LDB2: variants seen among roughly 807,000 people sequenced by gnomAD.
The protein encoded by LDB2 is LIM domain binding 2.
Under a neutral mutation model 44.3 loss-of-function variants are expected in LDB2, and 12 were observed. The observed-to-expected ratio is 0.27, with a 90% CI of 0.17 to 0.44. LDB2 has a LOEUF of 0.44. Among genes scored for constraint, LDB2 ranks in the 20% least tolerant of loss-of-function variants. The probability of loss-of-function intolerance (pLI) is 1.00; values close to 1 mark genes in which losing one functional copy is unlikely to be tolerated. For missense variants in LDB2, 344 were observed against 473.5 expected, an observed-to-expected ratio of 0.73 and a Z score of 2.54; for synonymous variants, 164 against 174.8, an observed-to-expected ratio of 0.94 and a Z score of 0.49.
chr4:16,874,041 C>T (rs1717610405), intron 1 of LDB2, among the ~76,000 whole-genome samples: 2 of 152,156 alleles, frequency 1.3e-5, no homozygotes, highest in African/African-American at 4.8e-5. Flanking sequence ...TTTGTTTATC[C>T]AGTCATCGCT....
intron 2 of LDB2, among the ~76,000 whole-genome samples, chr4:16,679,362 C>T (rs781014059): frequency 1.3e-5 from 2 of 152,020 alleles, no homozygotes; most frequent in Non-Finnish European, 2.9e-5. Flanking sequence ...GAAATCTTTT[C>T]TGAGTTGACA....
chr4:16,646,822 A>T (rs1392157939), intron 2 of LDB2, among the ~76,000 whole-genome samples: 1 of 152,218 alleles, frequency 6.6e-6, no homozygotes. Context: ...TCACATAGTT[A>T]CAAACAATGG....
intron 2 of LDB2, among the ~76,000 whole-genome samples, chr4:16,600,949 T>C (rs1722413936): frequency 6.6e-6 from 1 of 152,142 alleles, no homozygotes; most frequent in African/African-American, 2.4e-5. Flanking sequence ...GGTCTGCCTT[T>C]TAGAGCATTT....
At chr4:16,729,666 T>C (rs1272484758) in intron 2 of LDB2, among the ~76,000 whole-genome samples, 1 of 152,130 alleles carries the variant, frequency 6.6e-6, no homozygotes, top group Non-Finnish European at 1.5e-5. Flanking sequence ...ACAAATCAAA[T>C]GAAGCTTTGG....
rs150379902 is a variant in LDB2 at position 16,504,112 on chromosome 4, T to G, written c.892-1239A>C. Among the ~76,000 whole-genome samples, 783 of 152,164 alleles carry G rather than the reference T, an allele frequency of 5.1e-3. 7 individuals are homozygous for G. The highest frequency in any genetic ancestry group is 0.018 in the African/African-American group (750 of 41,526). ...AGGGCTAGCCAGATGCTTTTGGAGATGAGAGGGTGGGGTTTCCAGTAGAAA... is the reference window on the plus strand; with the variant it reads ...AGGGCTAGCCAGATGCTTTTGGAGAGGAGAGGGTGGGGTTTCCAGTAGAAA... On this transcript the variant is annotated intron_variant, in intron 7 of 7. Coordinates refer to ENST00000304523, the MANE Select transcript of LDB2 (RefSeq NM_001290.5).
chr4:16,731,873 A>C lies in LDB2; in HGVS notation c.235+27285T>G, dbSNP rs74536886. Among the ~76,000 whole-genome samples the C allele has an allele frequency of 5.6e-4, 85 of 152,272 alleles. 2 individuals are homozygous for C. In the East Asian group the frequency reaches 0.012, roughly 21 times the overall value. On this transcript the variant is annotated intron_variant, in intron 2 of 7. Coordinates refer to ENST00000304523, the MANE Select transcript of LDB2 (RefSeq NM_001290.5). ...TATGTGCTTCCCTTTTCAAGCAGTA[A>C]CTACAAAAAAGCAAACGAATGTAAA...
chr4:16,557,773 C>T (rs1305934407), intron 5 of LDB2, among the ~76,000 whole-genome samples: 2 of 152,184 alleles, frequency 1.3e-5, no homozygotes, highest in African/African-American at 4.8e-5. Context: ...TCAAGTGGGT[C>T]CCTGACCCCT....
At chr4:16,721,748 T>C (rs909036400) in intron 2 of LDB2, among the ~76,000 whole-genome samples, 3 of 152,128 alleles carry the variant, frequency 2.0e-5, no homozygotes, top group Non-Finnish European at 4.4e-5. Flanking sequence ...ATCTTGACAC[T>C]AAAACTACCC....
At chr4:16,544,273 T>A (rs989956404) in intron 5 of LDB2, among the ~76,000 whole-genome samples, 4 of 152,120 alleles carry the variant, frequency 2.6e-5, no homozygotes, top group African/African-American at 9.7e-5. Context: ...GCCGAGGATG[T>A]GGGGACTGCA....
At chr4:16,543,071 GCTTCATCCATGTCC>G (rs1312475054) in intron 5 of LDB2, among the ~76,000 whole-genome samples, 1 of 151,956 alleles carries the variant, frequency 6.6e-6, no homozygotes, top group Non-Finnish European at 1.5e-5. Context: ...ATGGTTTCCA[GCTTCATCCATGTCC>G]CTACAAAGGA....
rs1453384829 is a variant in LDB2 at position 16,774,103 on chromosome 4, C to T, written c.133-14843G>A. Among the ~76,000 whole-genome samples, 3 of 142,676 alleles carry T rather than the reference C, an allele frequency of 2.1e-5. No homozygotes were observed. In the Admixed American group the frequency reaches 2.3e-4, roughly 11 times the overall value. The allele number at this position is 142,676 out of a possible 152,430, so 93.6% of individuals were successfully genotyped here. On this transcript the variant is annotated intron_variant, in intron 1 of 7. Coordinates refer to ENST00000304523, the MANE Select transcript of LDB2 (RefSeq NM_001290.5). ...CAGGGAGGCAGAGGTTGCAGTGAGC[C>T]AAGATCACGCCATTGCACTCCAGCC...
At chr4:16,759,322 G>C in intron 1 of LDB2, 62 bp from the exon 2 acceptor site, 2 of 1,229,960 alleles carry the variant, frequency 1.6e-6, no homozygotes, top group Non-Finnish European at 2.4e-6. Flanking sequence ...AAGAGGAAGA[G>C]AAAAGGGAAG....
At chr4:16,523,554 C>T (rs756626157) in intron 5 of LDB2, among the ~76,000 whole-genome samples, 6 of 152,010 alleles carry the variant, frequency 3.9e-5, no homozygotes, top group Admixed American at 6.6e-5. Context: ...CTGCGACAGT[C>T]GATCTGATAA....
intron 1 of LDB2, among the ~76,000 whole-genome samples, chr4:16,811,349 G>C (rs1347404255): frequency 6.6e-6 from 1 of 152,180 alleles, no homozygotes; most frequent in Non-Finnish European, 1.5e-5. Flanking sequence ...TATTTACTCA[G>C]TTGATGCTTT....
chr4:16,720,647 G>T (rs929350324), intron 2 of LDB2, among the ~76,000 whole-genome samples: 1 of 151,924 alleles, frequency 6.6e-6, no homozygotes, highest in Non-Finnish European at 1.5e-5. Flanking sequence ...ACTTTGTCAG[G>T]TCCCCATTAA....
At chr4:16,597,765 C>T (rs2152443483) in intron 2 of LDB2, among the ~76,000 whole-genome samples, 1 of 152,228 alleles carries the variant, frequency 6.6e-6, no homozygotes, top group Admixed American at 6.5e-5. Context: ...GCACTGTTTG[C>T]TATGTATCAC....
At chr4:16,664,818 C>T (rs983059316) in intron 2 of LDB2, among the ~76,000 whole-genome samples, 2 of 152,134 alleles carry the variant, frequency 1.3e-5, no homozygotes, top group Non-Finnish European at 2.9e-5. Flanking sequence ...TTTCGGGTGT[C>T]GGCTGGATGC....
chr4:16,777,236 A>T (rs1452197031), intron 1 of LDB2, among the ~76,000 whole-genome samples: 2 of 152,116 alleles, frequency 1.3e-5, no homozygotes, highest in Non-Finnish European at 2.9e-5. Flanking sequence ...ACCTGGGATG[A>T]ATGACGTGAG....
At chr4:16,791,930 T>C (rs1775843441) in intron 1 of LDB2, among the ~76,000 whole-genome samples, 1 of 152,200 alleles carries the variant, frequency 6.6e-6, no homozygotes, top group South Asian at 2.1e-4. Flanking sequence ...TGGGGAAAGC[T>C]TGAAGCTCCA....
Sources: allele counts gnomAD v4.1 joint callset (sites outside exome capture counted in the v4.1 genomes callset), GRCh38; gene constraint gnomAD v4.1.1; transcripts MANE v1.5; gene names NCBI Gene and HGNC (gene_info 2026-07-23, HGNC 2026-07-21).